The following RFX1 variants were observed in gnomAD, a reference collection of about 807,000 sequenced individuals.
RFX1 encodes the protein MHC class II regulatory factor RFX1.
Under a neutral mutation model 119.6 loss-of-function variants are expected in RFX1, and 42 were observed. The observed-to-expected ratio is 0.35, with a 90% CI of 0.27 to 0.45. The LOEUF is 0.45. Ranked by LOEUF, RFX1 falls within the 20% of genes least tolerant of loss-of-function variation. The pLI, the probability that RFX1 is intolerant of heterozygous loss-of-function variation, is 1.00. For synonymous variants in RFX1, 628 were observed against 618.5 expected, an observed-to-expected ratio of 1.02 and a Z score of -0.23; for missense variants, 1,118 against 1,368.1, an observed-to-expected ratio of 0.82 and a Z score of 2.88.
rs958749336 is a variant in RFX1 at position 13,969,083 on chromosome 19, G to C, written c.1497-189C>G. Among the ~76,000 whole-genome samples the C allele has an allele frequency of 5.3e-5, 8 of 152,218 alleles. No individual in the cohort carries two copies. The highest frequency in any genetic ancestry group is 7.3e-5 in the Non-Finnish European group (5 of 68,034). ...GGTGTCAGGAGAGATCCAGCGGTTT[G>C]CCCAAGATTATGCATAAATGAATGG... On this transcript the variant is annotated intron_variant, in intron 10 of 20. Transcript: ENST00000254325. This position sits in a 1 kb window ranked among gnomAD's most constrained non-coding sequence, Gnocchi z 4.5.
At chr19:13,989,553 GACAGAC>G (rs945671645) in intron 2 of RFX1, among the ~76,000 whole-genome samples, 3 of 138,342 alleles carry the variant, frequency 2.2e-5, no homozygotes, top group Admixed American at 6.9e-5. Context: ...GAGAGAGAGA[GACAGAC>G]AGACAGACAG....
intron 2 of RFX1, among the ~76,000 whole-genome samples, chr19:13,992,649 C>T (rs576189628): frequency 1.3e-5 from 2 of 152,312 alleles, no homozygotes; most frequent in South Asian, 4.1e-4. Context: ...GCTATGAGAC[C>T]CTCGCATGCG....
Position 13,965,753 on chromosome 19 carries a change from C to T in RFX1, c.1986G>A (p.Leu662=), listed in dbSNP as rs1368636845. The T allele has an allele frequency of 1.9e-6, 3 of 1,613,818 alleles. No individual in the cohort carries two copies. The South Asian group carries it at 3.3e-5, about 18-fold the overall frequency. The change falls in exon 15 of 21, where the codon CTG becomes CTA. Residue 662 remains leucine, a synonymous_variant. Transcript: ENST00000254325. The surrounding 1 kb of genome is among the most constrained non-coding windows in gnomAD (Gnocchi z 4.7). Reference sequence around the variant, plus strand: ...AGAGGAGCACCAGGATGGCTTTGGGCAGTCGCTTCTCGGCCTCGTCATGTC... The same window carrying T: ...AGAGGAGCACCAGGATGGCTTTGGGTAGTCGCTTCTCGGCCTCGTCATGTC... ...LAVHDEAEKR[L]PKAILVLLSK... is the part of the protein sequence containing the mutation.
intron 1 of RFX1, among the ~76,000 whole-genome samples, chr19:14,005,708 G>A (rs1006866683): frequency 5.3e-5 from 8 of 152,090 alleles, no homozygotes; most frequent in African/African-American, 1.9e-4. Context: ...GGTGGAGGTT[G>A]GGGAGACCCA....
intron 7 of RFX1, among the ~76,000 whole-genome samples, chr19:13,978,701 CCCCGCCCCCGCCCG>C (rs1974333735): frequency 6.6e-6 from 1 of 152,070 alleles, no homozygotes; most frequent in African/African-American, 2.4e-5. Context: ...GACTGGGCGC[CCCCGCCCCCGCCCG>C]CCCGCTGCCC....
rs768245665 is a variant in RFX1, at chr19:13,986,722, G to A, written c.320-3127C>T. ...GAATCTGACACATTAACATCTCTGA[G>A]CAGTGGAATGACTCTGACAAGTGGG... is the stretch of plus-strand genomic sequence containing the variant. On this transcript the variant is annotated intron_variant, in intron 2 of 20. Coordinates refer to ENST00000254325, the MANE Select transcript of RFX1 (RefSeq NM_002918.5). The surrounding 1 kb of genome is among the most constrained non-coding windows in gnomAD (Gnocchi z 4.2). Among the ~76,000 whole-genome samples the A allele has an allele frequency of 2.6e-5, 4 of 152,182 alleles. No homozygotes were observed. Among genetic ancestry groups the A allele is most frequent in the Non-Finnish European group, 5.9e-5 (4 of 68,020 alleles).
chr19:13,963,626 C>T lies in RFX1; in HGVS notation c.2482G>A (p.Val828Met). ...LEQWAAWLDG[V>M]VSQVLKPYQG... ...TAGGGCTTGAGCACCTGGCTCACCA[C>T]GCCGTCCAGCCAGGCCGCCCACTGC... The change falls in exon 18 of 21, where the codon GTG (valine) becomes ATG (methionine). Residue 828 changes from valine to methionine, a missense_variant. Physicochemically the swap from Val to Met is conservative, Grantham distance 21. This residue lies in a region of RFX1 where 68 missense variants were observed against 67.2 expected (regional missense o/e 1.01). Transcript: ENST00000254325. The T allele has an allele frequency of 6.2e-7, 1 of 1,602,034 alleles. No individual in the cohort carries two copies. Among genetic ancestry groups the T allele is most frequent in the Non-Finnish European group, 8.5e-7 (1 of 1,177,862 alleles).
chr19:13,986,973 G>A lies in RFX1; in HGVS notation c.320-3378C>T, dbSNP rs1397218958. ...AGGGGCTCCTGGAGGGGCCCCTGCTGCCCCCAGTGTCCTCTATCCCTTGTC... is the reference window on the plus strand; with the variant it reads ...AGGGGCTCCTGGAGGGGCCCCTGCTACCCCCAGTGTCCTCTATCCCTTGTC... On this transcript the variant is annotated intron_variant, in intron 2 of 20. Coordinates refer to ENST00000254325, the MANE Select transcript of RFX1 (RefSeq NM_002918.5). This position sits in a 1 kb window ranked among gnomAD's most constrained non-coding sequence, Gnocchi z 4.2. Among the ~76,000 whole-genome samples, 1 of 152,162 alleles carries A rather than the reference G, an allele frequency of 6.6e-6. No individual in the cohort carries two copies. The highest frequency in any genetic ancestry group is 1.9e-4 in the East Asian group (1 of 5,182).
chr19:13,982,288 G>C (rs1044283312), intron 4 of RFX1, 60 bp from the exon 5 acceptor site: 3 of 960,068 alleles, frequency 3.1e-6, no homozygotes, highest in Admixed American at 7.5e-5. Context: ...CAGTTGCACC[G>C]AGCATCTGCG....
chr19:13,967,440 G>A (rs945423815), intron 12 of RFX1, among the ~76,000 whole-genome samples: 3 of 151,500 alleles, frequency 2.0e-5, no homozygotes, highest in African/African-American at 7.3e-5. Context: ...GCCTCCCAAC[G>A]TGCTGGGATT....
Position 13,980,742 on chromosome 19 carries a change from T to TGGGGTGGGCTCGCATCCTCTCG in RFX1, c.622-54_622-53insCGAGAGGATGCGAGCCCACCCC, listed in dbSNP as rs1568469881. On this transcript the variant is annotated intron_variant, in intron 5 of 20. Transcript: ENST00000254325. This position sits in a 1 kb window ranked among gnomAD's most constrained non-coding sequence, Gnocchi z 5.1. ...CGCTGGGGTGGGCTTGCATCCTCTC[T>TGGGGTGGGCTCGCATCCTCTCG]GAGGTGGGCTCACACACACACCCTT... 8.5e-6 allele frequency: 11 copies of TGGGGTGGGCTCGCATCCTCTCG among 1,300,958 alleles called. No individual in the cohort carries two copies. The Admixed American group carries it at 1.5e-4, about 17-fold the overall frequency. The allele number at this position is 1,300,958 out of a possible 1,614,324, so 80.6% of individuals were successfully genotyped here.
chr19:14,002,733 G>A (rs780672739), intron 1 of RFX1, among the ~76,000 whole-genome samples: 1 of 152,216 alleles, frequency 6.6e-6, no homozygotes, highest in Non-Finnish European at 1.5e-5. Context: ...AAGCAGGTGG[G>A]AGAAAGTCTT....
In RFX1 at chr19:13,982,163, G is replaced by A; in HGVS notation, c.579C>T (p.Ser193=). ...AAPGSKGGQV[S]LTVHGTQQVH... ...CCTGCTGGGTACCATGGACCGTCAG[G>A]GAGACCTGGCCACCTTTGCTGCCTG... The change falls in exon 5 of 21, where the codon TCC becomes TCT. Residue 193 remains serine, a synonymous_variant. Coordinates refer to ENST00000254325, the MANE Select transcript of RFX1 (RefSeq NM_002918.5). The A allele has an allele frequency of 7.6e-7, 1 of 1,311,570 alleles. No homozygotes were observed. 81.2% of individuals were successfully genotyped at this position (1,311,570 alleles called of 1,614,324 possible).
At chr19:13,998,506 A>T (rs1975110645) in intron 1 of RFX1, among the ~76,000 whole-genome samples, 1 of 151,922 alleles carries the variant, frequency 6.6e-6, no homozygotes, top group Non-Finnish European at 1.5e-5. Flanking sequence ...AAAAAAAAAA[A>T]TCCAATGAGA....
chr19:13,983,657 GC>G lies in RFX1; in HGVS notation c.320-63del, dbSNP rs953436997. ...TTCCCTGCCCCCAGCCTAAGCCTGA[GC>G]CCCCCTGGAGGGGAAGATGCAGCCT... On this transcript the variant is annotated intron_variant, in intron 2 of 20. Transcript: ENST00000254325. 5.0e-6 allele frequency: 7 copies of G among 1,409,084 alleles called. No individual in the cohort carries two copies. The Admixed American group carries it at 6.0e-5, about 12-fold the overall frequency. The allele number at this position is 1,409,084 out of a possible 1,614,324, so 87.3% of individuals were successfully genotyped here.
In RFX1 at chr19:13,980,763, C is replaced by CACA; in HGVS notation, c.622-75_622-74insTGT. On this transcript the variant is annotated intron_variant, in intron 5 of 20. Transcript: ENST00000254325. This position sits in a 1 kb window ranked among gnomAD's most constrained non-coding sequence, Gnocchi z 5.1. ...TCTCTGAGGTGGGCTCACACACACA[C>CACA]CCTTCTCAGGAGAGCTGTCTGGGGA... 2 of 918,410 alleles carry CACA rather than the reference C, an allele frequency of 2.2e-6. No individual in the cohort carries two copies. The highest frequency in any genetic ancestry group is 1.7e-6 in the Non-Finnish European group (1 of 599,548). The allele number at this position is 918,410 out of a possible 1,614,324, so 56.9% of individuals were successfully genotyped here. A position where few individuals can be genotyped will look rare whatever the true frequency, so the allele number is the denominator to read the frequency against.
rs1441520040 is a variant in RFX1, at chr19:13,986,796, C to T, written c.320-3201G>A. ...ACTTCCCCATCTAGACCTACTCAAA[C>T]CTTAAATGAGCTACTTGGGGGAGCC... On this transcript the variant is annotated intron_variant, in intron 2 of 20. Transcript: ENST00000254325. The surrounding 1 kb of genome is among the most constrained non-coding windows in gnomAD (Gnocchi z 4.2). Among the ~76,000 whole-genome samples, 1 of 152,142 alleles carries T rather than the reference C, an allele frequency of 6.6e-6. No homozygotes were observed. The highest frequency in any genetic ancestry group is 6.5e-5 in the Admixed American group (1 of 15,286).
chr19:13,992,768 G>A (rs996908017), intron 2 of RFX1, among the ~76,000 whole-genome samples: 1 of 152,226 alleles, frequency 6.6e-6, no homozygotes, highest in African/African-American at 2.4e-5. Flanking sequence ...TCCCACAGGT[G>A]CATGCAAACT....
chr19:13,975,050 A>G (rs1974212332), intron 8 of RFX1, among the ~76,000 whole-genome samples: 1 of 147,938 alleles, frequency 6.8e-6, no homozygotes, highest in Non-Finnish European at 1.5e-5. Flanking sequence ...CCTCAAAAAA[A>G]AAAAAAAAAA....
Sources: allele counts gnomAD v4.1 joint callset (sites outside exome capture counted in the v4.1 genomes callset), GRCh38; gene constraint gnomAD v4.1.1; regional missense constraint gnomAD v4.1.1; non-coding constraint Gnocchi (gnomAD v3.1); transcripts MANE v1.5; gene names NCBI Gene and HGNC (gene_info 2026-07-23, HGNC 2026-07-21).